The following ZNF845 variants were observed in gnomAD, a reference collection of about 807,000 sequenced individuals.
ZNF845 encodes zinc finger protein 845.
In ZNF845, 59 loss-of-function variants were observed where a neutral mutation model predicts 76.1. The observed-to-expected ratio is 0.78, with a 90% CI of 0.63 to 0.96. ZNF845 has a LOEUF of 0.96. Ranked by LOEUF, ZNF845 falls within the 40% of genes least tolerant of loss-of-function variation. ZNF845 has a pLI of 0.00. For missense variants in ZNF845, 1,045 were observed against 1,172.8 expected, an observed-to-expected ratio of 0.89 and a Z score of 1.59; for synonymous variants, 361 against 386.9, an observed-to-expected ratio of 0.93 and a Z score of 0.78.
chr19:53,343,095 A>C (rs776575678), intron 2 of ZNF845, among the ~76,000 whole-genome samples: 2 of 152,130 alleles, frequency 1.3e-5, no homozygotes, highest in Non-Finnish European at 2.9e-5. Context: ...CTGGGATTGC[A>C]AGCGTGATCC....
At chr19:53,339,512 T>C (rs7256738) in intron 1 of ZNF845, among the ~76,000 whole-genome samples, 8,946 of 152,254 alleles carry the variant, frequency 0.059, 618 homozygotes, top group African/African-American at 0.17. Flanking sequence ...CTGACACTCA[T>C]TGCCTGCAAT....
intron 1 of ZNF845, chr19:53,337,196 C>T: frequency 2.2e-6 from 1 of 456,356 alleles, no homozygotes; most frequent in Non-Finnish European, 4.4e-6. Context: ...GGTTGCTGTC[C>T]CTGCTCTTAC....
In ZNF845 at chr19:53,351,696, T is replaced by A. The variant is rs773248866; in HGVS notation, c.1021T>A (p.Tyr341Asn). ...TGGCAAGACCTTCAGTCAAACGTCA[T>A]ACCTTGTGTACCATCGTAGACTTCA... is the stretch of plus-strand genomic sequence containing the variant. ...ECGKTFSQTSYLVYHRRLHTG... is the reference protein window; with the variant it reads ...ECGKTFSQTSNLVYHRRLHTG... The change falls in exon 4 of 4, where the codon TAC becomes AAC. Residue 341 changes from tyrosine (Y) to asparagine (N), a missense_variant. Transcript: ENST00000458035. 1 of 1,614,060 alleles carries A rather than the reference T, an allele frequency of 6.2e-7. No homozygotes were observed. Among genetic ancestry groups the A allele is most frequent in the Non-Finnish European group, 8.5e-7 (1 of 1,179,932 alleles).
intron 1 of ZNF845, among the ~76,000 whole-genome samples, chr19:53,340,373 T>C (rs1217282301): frequency 6.6e-6 from 1 of 152,176 alleles, no homozygotes; most frequent in Non-Finnish European, 1.5e-5. Context: ...CTTTAAACTT[T>C]ACCCCCATGG....
At chr19:53,347,445 T>G (rs1329383979) in intron 3 of ZNF845, among the ~76,000 whole-genome samples, 8 of 150,772 alleles carry the variant, frequency 5.3e-5, no homozygotes, top group Middle Eastern at 3.4e-3. Flanking sequence ...CCTGGCTGTT[T>G]TTTTTTTTTT....
chr19:53,336,731 C>T (rs537914508), intron 1 of ZNF845, among the ~76,000 whole-genome samples: 2 of 143,960 alleles, frequency 1.4e-5, no homozygotes, highest in South Asian at 4.4e-4. Context: ...GATGCATTTG[C>T]AGCATCCTAT....
Position 53,352,127 on chromosome 19 carries a change from C to A in ZNF845, c.1452C>A (p.Tyr484Ter). 2 of 1,613,818 alleles carry A rather than the reference C, an allele frequency of 1.2e-6. No individual in the cohort carries two copies. The highest frequency in any genetic ancestry group is 1.7e-6 in the Non-Finnish European group (2 of 1,179,910). ...TCAGTCAGACATCATCCCTTGTATA[C>A]CATCGTAGACTTCATACTGGAGAGA... ...KTFSQTSSLV[Y>*]HRRLHTGEKP... Residue 484 changes from tyrosine to a stop codon, truncating the protein, a stop_gained, in exon 4 of 4, where the codon TAC becomes TAA. Coordinates refer to ENST00000458035, the MANE Select transcript of ZNF845 (RefSeq NM_138374.3). LOFTEE classifies it high-confidence loss of function.
Position 53,353,649 on chromosome 19 carries a change from T to G in ZNF845, c.*61T>G, listed in dbSNP as rs571036371. ...ATCAAGTCTTGAAAGACAGGAGAAT[T>G]CATACTGGAGAGAAAGCTTACAAAT... is the stretch of plus-strand genomic sequence containing the variant. On this transcript the variant is annotated 3_prime_UTR_variant, in exon 4 of 4. Coordinates refer to ENST00000458035, the MANE Select transcript of ZNF845 (RefSeq NM_138374.3). 21 of 1,524,664 alleles carry G rather than the reference T, an allele frequency of 1.4e-5. No homozygotes were observed. In the African/African-American group the frequency reaches 2.8e-4, roughly 20 times the overall value. The allele number at this position is 1,524,664 out of a possible 1,614,324, so 94.4% of individuals were successfully genotyped here. A position where few individuals can be genotyped will look rare whatever the true frequency, so the allele number is the denominator to read the frequency against.
chr19:53,353,622 A>G lies in ZNF845; in HGVS notation c.*34A>G, dbSNP rs770865753. 1.3e-6 allele frequency: 2 copies of G among 1,539,514 alleles called. No homozygotes were observed. Among genetic ancestry groups the G allele is most frequent in the Non-Finnish European group, 1.7e-6 (2 of 1,143,986 alleles). ...AGAATGTGACAAAGTTTACAGTTGT[A>G]AATCAAGTCTTGAAAGACAGGAGAA... On this transcript the variant is annotated 3_prime_UTR_variant, in exon 4 of 4. Transcript: ENST00000458035.
intron 3 of ZNF845, among the ~76,000 whole-genome samples, chr19:53,346,681 A>G (rs2085299204): frequency 6.6e-6 from 1 of 152,164 alleles, no homozygotes; most frequent in Admixed American, 6.5e-5. Flanking sequence ...ACTCTGTCTC[A>G]AAAAAATATT....
At chr19:53,342,833 T>A (rs1379272388) in intron 2 of ZNF845, among the ~76,000 whole-genome samples, 1 of 152,140 alleles carries the variant, frequency 6.6e-6, no homozygotes, top group Non-Finnish European at 1.5e-5. Context: ...TTATTTATTT[T>A]TTGAGACTGA....
At chr19:53,343,906 C>T (rs1019794044) in intron 2 of ZNF845, among the ~76,000 whole-genome samples, 2 of 152,044 alleles carry the variant, frequency 1.3e-5, no homozygotes, top group East Asian at 3.9e-4. Context: ...CTGCAACCTC[C>T]ACCCTCAGGC....
chr19:53,353,448 C>T lies in ZNF845; in HGVS notation c.2773C>T (p.Arg925Cys), dbSNP rs572189568. The change falls in exon 4 of 4, where the codon CGT becomes TGT. Residue 925 changes from arginine (R) to cysteine (C), a missense_variant. Physicochemically the swap from Arg to Cys is radical, Grantham distance 180. Coordinates refer to ENST00000458035, the MANE Select transcript of ZNF845 (RefSeq NM_138374.3). ...YKCNECGKTF[R>C]HNSVLVIHKT... ...GTGTAATGAGTGTGGCAAAACCTTC[C>T]GTCACAATTCAGTCCTTGTAATTCA... The T allele has an allele frequency of 6.3e-5, 102 of 1,610,180 alleles. No homozygotes were observed. The East Asian group carries it at 1.8e-3, about 28-fold the overall frequency.
intron 2 of ZNF845, among the ~76,000 whole-genome samples, chr19:53,343,950 G>A (rs2085275142): frequency 1.3e-5 from 2 of 151,762 alleles, no homozygotes; most frequent in East Asian, 1.9e-4. Context: ...CTCCCAAGTA[G>A]CTGGAACCAC....
At chr19:53,337,577 A>G (rs2085224479) in intron 1 of ZNF845, among the ~76,000 whole-genome samples, 1 of 151,842 alleles carries the variant, frequency 6.6e-6, no homozygotes, top group Non-Finnish European at 1.5e-5. Flanking sequence ...ATTTAATTTA[A>G]TTTAATTTTA....
chr19:53,342,712 G>A (rs943304147), intron 2 of ZNF845, among the ~76,000 whole-genome samples: 5 of 152,108 alleles, frequency 3.3e-5, no homozygotes, highest in Admixed American at 3.3e-4. Flanking sequence ...TTAGGTTTGG[G>A]GCGCCATGTT....
At position 53,353,018 on chromosome 19, in the gene ZNF845, C is replaced by G. The variant is rs1568743641; in HGVS notation, c.2343C>G (p.Asp781Glu). The change falls in exon 4 of 4, where the codon GAC becomes GAG. Residue 781 changes from aspartate (D) to glutamate (E), a missense_variant. Coordinates refer to ENST00000458035, the MANE Select transcript of ZNF845 (RefSeq NM_138374.3). ...AACCATACAAATGTAAGGTTTGTGA[C>G]AAAGCTTTTGGGCGTGATTCACACC... ...GEKPYKCKVC[D>E]KAFGRDSHLA... 6.2e-7 allele frequency: 1 copy of G among 1,613,996 alleles called. No homozygotes were observed. Among genetic ancestry groups the G allele is most frequent in the South Asian group, 1.1e-5 (1 of 91,072 alleles).
chr19:53,340,772 T>A (rs539053000), intron 1 of ZNF845: 371 of 317,436 alleles, frequency 1.2e-3, no homozygotes, highest in Admixed American at 3.7e-3. Flanking sequence ...CCCTCCCAGG[T>A]CCTCTCTGAC....
chr19:53,348,752 A>G (rs563294568), intron 3 of ZNF845, among the ~76,000 whole-genome samples: 36 of 152,256 alleles, frequency 2.4e-4, no homozygotes, highest in African/African-American at 6.5e-4. Context: ...CTAGATAACT[A>G]AGGCCAATGC....
Sources: allele counts gnomAD v4.1 joint callset (sites outside exome capture counted in the v4.1 genomes callset), GRCh38; gene constraint gnomAD v4.1.1; transcripts MANE v1.5; gene names NCBI Gene and HGNC (gene_info 2026-07-23, HGNC 2026-07-21).